Variants in ABCA13 observed in about 807,000 individuals in gnomAD.
ABCA13 encodes the protein ATP binding cassette subfamily A member 13.
ABCA13 carries 476 observed loss-of-function variants against 478.7 expected under a neutral mutation model. The observed-to-expected ratio is 0.99, with a 90% CI of 0.92 to 1.07. The LOEUF (loss-of-function observed/expected upper bound fraction) is 1.07. Ranked by LOEUF, ABCA13 falls within the 50% of genes least tolerant of loss-of-function variation. The pLI is 0.00. For missense variants in ABCA13, 6,060 were observed against 5,910.6 expected (o/e 1.03, Z -0.83); for synonymous variants, 2,252 against 2,158.9 (o/e 1.04, Z -1.20).
intron 57 of ABCA13, among the ~76,000 whole-genome samples, chr7:48,593,587 TACTTA>T (rs910779854): frequency 6.6e-5 from 10 of 152,138 alleles, no homozygotes; most frequent in Admixed American, 1.3e-4. Context: ...TGTGGCTGTA[TACTTA>T]ACTTTACTGT....
chr7:48,613,404 G>T (rs2131554502), intron 58 of ABCA13, among the ~76,000 whole-genome samples: 1 of 152,096 alleles, frequency 6.6e-6, no homozygotes, highest in Admixed American at 6.5e-5. Context: ...TGGCTAGGCT[G>T]GTCTCGAACT....
rs1263746812 is a variant in ABCA13, at chr7:48,276,308, T to A, written c.6642T>A (p.Asn2214Lys). ...LFENILINLI[N>K]NLAGNSQEAA... ...AAAACATCCTAATTAATTTGATCAATAACTTAGCTGGGAATTCTCAGGAAG... is the reference window on the plus strand; with the variant it reads ...AAAACATCCTAATTAATTTGATCAAAAACTTAGCTGGGAATTCTCAGGAAG... The change falls in exon 17 of 62, where the codon AAT becomes AAA. Residue 2214 changes from asparagine to lysine, a missense_variant. Asn to Lys is a moderately conservative substitution (Grantham distance 94). Around this residue, in one of 3 missense-constraint regions of ABCA13, gnomAD observed 4,423 missense variants for 4,309.1 expected, o/e 1.03. Transcript: ENST00000435803. 6.4e-7 allele frequency: 1 copy of A among 1,555,134 alleles called. No homozygotes were observed. The highest frequency in any genetic ancestry group is 2.0e-5 in the Admixed American group (1 of 49,996).
intron 7 of ABCA13, among the ~76,000 whole-genome samples, chr7:48,231,809 G>C (rs536473304): frequency 1.2e-4 from 19 of 152,182 alleles, no homozygotes; most frequent in African/African-American, 3.9e-4. Flanking sequence ...CTACAGGCGT[G>C]CATCACCACG....
chr7:48,315,598 G>C (rs1338670423), intron 26 of ABCA13, among the ~76,000 whole-genome samples: 1 of 151,784 alleles, frequency 6.6e-6, no homozygotes, highest in Non-Finnish European at 1.5e-5. Flanking sequence ...TCCTGCCTCA[G>C]CCTCCCGAGT....
chr7:48,312,924 C>A, intron 24 of ABCA13, 143 bp from the exon 25 acceptor site: 1 of 781,654 alleles, frequency 1.3e-6, no homozygotes, highest in Non-Finnish European at 1.9e-6. Context: ...AGATAACTTT[C>A]ATATAGTACC....
At chr7:48,573,042 A>G (rs1787827477) in intron 55 of ABCA13, among the ~76,000 whole-genome samples, 1 of 152,008 alleles carries the variant, frequency 6.6e-6, no homozygotes. Context: ...TTTATTTTTA[A>G]TATCTATCTT....
intron 58 of ABCA13, chr7:48,612,067 C>T (rs2131547978): frequency 6.6e-6 from 1 of 152,304 alleles, no homozygotes; most frequent in South Asian, 2.1e-4. Flanking sequence ...TGTCAGTGGG[C>T]TGTGCATCAT....
chr7:48,529,364 C>T (rs371422180), intron 55 of ABCA13, among the ~76,000 whole-genome samples: 3 of 152,126 alleles, frequency 2.0e-5, no homozygotes, highest in Admixed American at 6.5e-5. Flanking sequence ...TGGATGTCCT[C>T]GTATCCCATT....
intron 55 of ABCA13, among the ~76,000 whole-genome samples, chr7:48,576,564 G>A (rs1342414731): frequency 6.6e-6 from 1 of 152,188 alleles, no homozygotes; most frequent in Non-Finnish European, 1.5e-5. Context: ...GAAATGCCCA[G>A]CTCAGGCTCT....
intron 3 of ABCA13, among the ~76,000 whole-genome samples, chr7:48,201,309 C>G (rs1248002352): frequency 2.0e-5 from 3 of 152,202 alleles, no homozygotes; most frequent in Non-Finnish European, 4.4e-5. Context: ...TTTGATTATA[C>G]TCCACTGCTT....
At chr7:48,295,289 G>A (rs1227568459) in intron 20 of ABCA13, among the ~76,000 whole-genome samples, 1 of 152,188 alleles carries the variant, frequency 6.6e-6, no homozygotes, top group Non-Finnish European at 1.5e-5. Context: ...GTGAAATTGA[G>A]CACCTTTTCT....
intron 2 of ABCA13, among the ~76,000 whole-genome samples, chr7:48,194,675 G>A: frequency 6.6e-6 from 1 of 152,046 alleles, no homozygotes; most frequent in East Asian, 1.9e-4. Context: ...AATAAGTGTT[G>A]GGATTTACCC....
At chr7:48,604,071 G>A (rs1470596438) in intron 58 of ABCA13, among the ~76,000 whole-genome samples, 1 of 152,110 alleles carries the variant, frequency 6.6e-6, no homozygotes, top group Non-Finnish European at 1.5e-5. Context: ...TGGGATCAGT[G>A]GTGGTATCCC....
In ABCA13 at chr7:48,455,135, GCC is replaced by G; in HGVS notation, c.12665_12666del (p.Ala4222GlyfsTer67). On this transcript the variant is annotated frameshift_variant, in exon 43 of 62. Transcript: ENST00000435803. LOFTEE classifies it high-confidence loss of function. ...CCGGAGGCTCCGCCGCACGCTGCGC[GCC>G]GGGAAGAGCACCCTCGCCGACCTGC... is the stretch of plus-strand genomic sequence containing the variant. Reference protein sequence around the residue: ...LARRLRRTLRAGKSTLADLLL... With the variant: ...LARRLRRTLRXGKSTLADLLL... 2 of 1,570,082 alleles carry G rather than the reference GCC, an allele frequency of 1.3e-6. No individual in the cohort carries two copies. Among genetic ancestry groups the G allele is most frequent in the African/African-American group, 2.7e-5 (2 of 73,832 alleles).
At chr7:48,532,446 GTGTGT>G (rs1309136269) in intron 55 of ABCA13, among the ~76,000 whole-genome samples, 2 of 151,954 alleles carry the variant, frequency 1.3e-5, no homozygotes, top group African/African-American at 4.8e-5. Flanking sequence ...AGGGATATTG[GTGTGT>G]TGTGTTGTGT....
chr7:48,411,466 C>T (rs1196647406), intron 40 of ABCA13, among the ~76,000 whole-genome samples: 1 of 151,928 alleles, frequency 6.6e-6, no homozygotes, highest in Non-Finnish European at 1.5e-5. Flanking sequence ...TGCCACCAGG[C>T]CCAGCTAATT....
intron 43 of ABCA13, among the ~76,000 whole-genome samples, 164 bp downstream of exon 43, chr7:48,455,450 TC>T (rs1398053726): frequency 6.6e-6 from 1 of 152,196 alleles, no homozygotes; most frequent in Non-Finnish European, 1.5e-5. Flanking sequence ...AAGCTCTTGC[TC>T]CTCTCAGGCT....
intron 59 of ABCA13, 83 bp downstream of exon 59, chr7:48,615,460 A>C (rs1308150696): frequency 9.6e-6 from 12 of 1,253,856 alleles, no homozygotes; most frequent in Non-Finnish European, 1.3e-5. Flanking sequence ...GATGCTTTAG[A>C]GGCAAGTATG....
At chr7:48,459,764 A>G (rs1826052422) in intron 43 of ABCA13, among the ~76,000 whole-genome samples, 1 of 152,220 alleles carries the variant, frequency 6.6e-6, no homozygotes, top group Non-Finnish European at 1.5e-5. Context: ...TGAAAATGAA[A>G]TGTATCAAAA....
Sources: allele counts gnomAD v4.1 joint callset (sites outside exome capture counted in the v4.1 genomes callset), GRCh38; gene constraint gnomAD v4.1.1; regional missense constraint gnomAD v4.1.1; transcripts MANE v1.5; gene names NCBI Gene and HGNC (gene_info 2026-07-23, HGNC 2026-07-21).